The following SCG5 variants were observed in gnomAD, a reference collection of about 807,000 sequenced individuals.
SCG5 encodes the protein neuroendocrine protein 7B2.
A neutral mutation model predicts 25.7 loss-of-function variants in SCG5; 18 were observed. That is an observed-to-expected ratio of 0.70 (90% CI 0.48 to 1.04). The LOEUF (loss-of-function observed/expected upper bound fraction) is 1.04, where lower values mean the gene tolerates loss of function less well. Ranked by LOEUF, SCG5 falls within the 50% of genes least tolerant of loss-of-function variation. SCG5 has a pLI of 0.00. For missense variants in SCG5, 206 were observed against 259.8 expected (o/e 0.79, Z 1.42); for synonymous variants, 101 against 91.7 (o/e 1.10, Z -0.58).
intron 2 of SCG5, among the ~76,000 whole-genome samples, chr15:32,653,496 T>A (rs187690087): frequency 4.6e-5 from 7 of 152,296 alleles, no homozygotes; most frequent in Non-Finnish European, 7.3e-5. Context: ...CAGATGTAAA[T>A]CCTGGGTTCT....
At chr15:32,663,564 G>T (rs8025371) in intron 2 of SCG5, among the ~76,000 whole-genome samples, 1 of 152,252 alleles carries the variant, frequency 6.6e-6, no homozygotes, top group East Asian at 1.9e-4. Context: ...AGAAAACTAC[G>T]TAGAACAATA....
At chr15:32,663,893 T>C (rs751266414) in intron 2 of SCG5, among the ~76,000 whole-genome samples, 7 of 152,352 alleles carry the variant, frequency 4.6e-5, no homozygotes, top group South Asian at 2.1e-4. Flanking sequence ...CGCTGGTTTA[T>C]GTCAGACTAT....
intron 2 of SCG5, among the ~76,000 whole-genome samples, chr15:32,676,648 A>C (rs940060227): frequency 2.6e-5 from 4 of 152,254 alleles, no homozygotes; most frequent in African/African-American, 9.6e-5. Context: ...GAAGGTAGCT[A>C]TCACAAATGA....
At chr15:32,669,139 A>G (rs2054373763) in intron 2 of SCG5, 1 of 152,182 alleles carries the variant, frequency 6.6e-6, no homozygotes, top group East Asian at 1.9e-4. Flanking sequence ...AGAGTACTAC[A>G]TGTTAATTAG....
At chr15:32,672,704 T>TGG (rs550228000) in intron 2 of SCG5, among the ~76,000 whole-genome samples, 6 of 152,094 alleles carry the variant, frequency 3.9e-5, no homozygotes, top group African/African-American at 1.4e-4. Flanking sequence ...GAAGGCCTCG[T>TGG]GGGGGCTCTC....
At chr15:32,675,253 T>G (rs1297878128) in intron 2 of SCG5, among the ~76,000 whole-genome samples, 1 of 152,174 alleles carries the variant, frequency 6.6e-6, no homozygotes, top group Non-Finnish European at 1.5e-5. Flanking sequence ...AAGTGAAAGA[T>G]CCTATCTTTA....
chr15:32,679,657 C>A, intron 2 of SCG5, 109 bp from the exon 3 acceptor site: 1 of 1,181,092 alleles, frequency 8.5e-7, no homozygotes, highest in South Asian at 1.4e-5. Flanking sequence ...TTATTTTTCT[C>A]TCCCCACAGC....
chr15:32,646,221 A>G (rs1221071783), intron 2 of SCG5, among the ~76,000 whole-genome samples: 1 of 152,246 alleles, frequency 6.6e-6, no homozygotes, highest in Non-Finnish European at 1.5e-5. Flanking sequence ...CAAATTTAGC[A>G]GTTTCACACA....
chr15:32,661,639 A>G (rs1007531660), intron 2 of SCG5, among the ~76,000 whole-genome samples: 2 of 152,134 alleles, frequency 1.3e-5, no homozygotes, highest in South Asian at 2.1e-4. Context: ...AAGAGAAGAA[A>G]GAAAACATCT....
chr15:32,669,767 A>G lies in SCG5; in HGVS notation c.227-9999A>G, dbSNP rs117808405. 4.6e-3 allele frequency among the ~76,000 whole-genome samples: 692 copies of G among 152,030 alleles called. 13 individuals are homozygous for G. Among genetic ancestry groups the G allele is most frequent in the Admixed American group, 0.024 (371 of 15,252 alleles). ...TTGGGGTTTTGTGTGTATGTGTTAG[A>G]GGGGGTGGGGTTTGTGGTGACTACA... On this transcript the variant is annotated intron_variant, in intron 2 of 5. Coordinates refer to ENST00000300175, the MANE Select transcript of SCG5 (RefSeq NM_001144757.3).
chr15:32,680,753 G>A (rs572864397), intron 3 of SCG5, among the ~76,000 whole-genome samples: 121 of 152,260 alleles, frequency 7.9e-4, no homozygotes, highest in African/African-American at 2.9e-3. Context: ...GAAGAAGCTG[G>A]TTAAGGAAGA....
rs1010216638 is a variant in SCG5, at chr15:32,643,473, C to A, written c.-7-113C>A. The A allele has an allele frequency of 2.4e-5, 19 of 788,438 alleles. No homozygotes were observed. The Admixed American group carries it at 4.0e-4, about 17-fold the overall frequency. The allele number at this position is 788,438 out of a possible 1,614,324, so 48.8% of individuals were successfully genotyped here. On this transcript the variant is annotated intron_variant, in intron 1 of 5. Coordinates refer to ENST00000300175, the MANE Select transcript of SCG5 (RefSeq NM_001144757.3). ...ACCTCCTAAGGATTCTTTGTTACAA[C>A]CCCTTTCTGGGTGGTCCTCGAACCA...
At chr15:32,669,781 G>T (rs2054387392) in intron 2 of SCG5, among the ~76,000 whole-genome samples, 2 of 151,854 alleles carry the variant, frequency 1.3e-5, no homozygotes, top group Admixed American at 6.6e-5. Flanking sequence ...GGTGGGGTTT[G>T]TGGTGACTAC....
Position 32,679,889 on chromosome 15 carries a change from C to T in SCG5, c.350C>T (p.Pro117Leu). 1 of 1,613,566 alleles carries T rather than the reference C, an allele frequency of 6.2e-7. No homozygotes were observed. The highest frequency in any genetic ancestry group is 8.5e-7 in the Non-Finnish European group (1 of 1,179,692). Residue 117 changes from proline to leucine, a missense_variant, in exon 3 of 6, where the codon CCA (proline) becomes CTA (leucine). Coordinates refer to ENST00000300175, the MANE Select transcript of SCG5 (RefSeq NM_001144757.3). ...FSEDQGYPDP[P>L]NPCPVGKTAD... ...GAGGATCAGGGGTACCCAGACCCTCCAAATCCCTGTCCTGTTGGAAAAACA... is the reference window on the plus strand; with the variant it reads ...GAGGATCAGGGGTACCCAGACCCTCTAAATCCCTGTCCTGTTGGAAAAACA...
At chr15:32,692,142 A>C (rs1266176680) in intron 5 of SCG5, 6 of 1,065,128 alleles carry the variant, frequency 5.6e-6, no homozygotes, top group Non-Finnish European at 6.8e-6. Context: ...CATCAATTCT[A>C]TAAAAACACA....
intron 2 of SCG5, among the ~76,000 whole-genome samples, chr15:32,669,772 G>A (rs865979090): frequency 1.8e-4 from 27 of 151,946 alleles, no homozygotes; most frequent in African/African-American, 5.8e-4. Flanking sequence ...GTTAGAGGGG[G>A]TGGGGTTTGT....
chr15:32,663,403 T>G (rs934134521), intron 2 of SCG5, among the ~76,000 whole-genome samples: 1 of 152,020 alleles, frequency 6.6e-6, no homozygotes, highest in African/African-American at 2.4e-5. Flanking sequence ...ACATTTCATA[T>G]AAATGGAATC....
At chr15:32,671,587 T>C (rs1460421865) in intron 2 of SCG5, among the ~76,000 whole-genome samples, 1 of 152,050 alleles carries the variant, frequency 6.6e-6, no homozygotes, top group Non-Finnish European at 1.5e-5. Flanking sequence ...GAGTGCTTAC[T>C]GAGAAGGAGA....
At chr15:32,657,691 T>C (rs1258789776) in intron 2 of SCG5, among the ~76,000 whole-genome samples, 1 of 152,190 alleles carries the variant, frequency 6.6e-6, no homozygotes, top group Non-Finnish European at 1.5e-5. Flanking sequence ...TGGGCGTCTC[T>C]GGCAGCCCAT....
Sources: allele counts gnomAD v4.1 joint callset (sites outside exome capture counted in the v4.1 genomes callset), GRCh38; gene constraint gnomAD v4.1.1; transcripts MANE v1.5; gene names NCBI Gene and HGNC (gene_info 2026-07-23, HGNC 2026-07-21).